The following RIMS2 variants were observed in gnomAD, a reference collection of about 807,000 sequenced individuals.
RIMS2 encodes the protein regulating synaptic membrane exocytosis protein 2.
Under a neutral mutation model 174.4 loss-of-function variants are expected in RIMS2, and 59 were observed. The observed-to-expected ratio is 0.34, with a 90% confidence interval of 0.27 to 0.42. The LOEUF (loss-of-function observed/expected upper bound fraction) is 0.42, where lower values mean the gene tolerates loss of function less well. Among genes scored for constraint, RIMS2 ranks in the 10% least tolerant of loss-of-function variants. The pLI, the probability that RIMS2 is intolerant of heterozygous loss-of-function variation, is 1.00. For synonymous variants in RIMS2, 606 were observed against 572.5 expected (o/e 1.06, Z -0.84); for missense variants, 1,620 against 1,666.3 (o/e 0.97, Z 0.48).
intron 1 of RIMS2, among the ~76,000 whole-genome samples, chr8:103,660,832 C>T (rs6985351): frequency 0.18 from 26,911 of 151,980 alleles, 2,586 homozygotes; most frequent in African/African-American, 0.24. Context: ...GAAAAGGATA[C>T]TTAGAAAAAT....
intron 19 of RIMS2, among the ~76,000 whole-genome samples, chr8:104,175,278 T>C (rs74597459): frequency 0.031 from 4,685 of 152,258 alleles, 169 homozygotes; most frequent in East Asian, 0.14. Flanking sequence ...CTTTCTTTTT[T>C]TAAATTTCCT....
chr8:103,612,349 T>C (rs1010709605), intron 1 of RIMS2, among the ~76,000 whole-genome samples: 1 of 152,176 alleles, frequency 6.6e-6, no homozygotes, highest in African/African-American at 2.4e-5. Flanking sequence ...TGCTTGTAGA[T>C]GTTTGTTGGT....
intron 1 of RIMS2, among the ~76,000 whole-genome samples, chr8:103,541,686 T>G (rs1368225127): frequency 9.2e-5 from 14 of 152,212 alleles, no homozygotes; most frequent in Non-Finnish European, 1.2e-4. Flanking sequence ...GGTGTGTAAA[T>G]CGCTTATAGC....
chr8:103,834,759 T>G (rs901948204), intron 3 of RIMS2, among the ~76,000 whole-genome samples: 1 of 150,270 alleles, frequency 6.7e-6, no homozygotes, highest in African/African-American at 2.5e-5. Context: ...TCTTTCTTTT[T>G]CTCTCTCTCT....
intron 6 of RIMS2, among the ~76,000 whole-genome samples, chr8:103,913,926 G>T (rs2076201751): frequency 6.6e-6 from 1 of 152,108 alleles, no homozygotes; most frequent in Admixed American, 6.6e-5. Context: ...TTTGCGCAGG[G>T]ACAAACATCC....
chr8:104,188,223 A>ATAGT (rs2098978561), intron 19 of RIMS2, among the ~76,000 whole-genome samples: 1 of 111,874 alleles, frequency 8.9e-6, no homozygotes, highest in East Asian at 2.5e-4. Flanking sequence ...GTTTGTTCAG[A>ATAGT]TAGATAGATA....
intron 19 of RIMS2, among the ~76,000 whole-genome samples, chr8:104,050,515 C>T (rs1265340393): frequency 6.6e-6 from 1 of 152,000 alleles, no homozygotes; most frequent in Non-Finnish European, 1.5e-5. Context: ...TAAGAAGAAA[C>T]CAGCTATGTA....
intron 1 of RIMS2, among the ~76,000 whole-genome samples, chr8:103,682,564 A>G (rs1161128698): frequency 6.6e-6 from 1 of 152,148 alleles, no homozygotes; most frequent in Non-Finnish European, 1.5e-5. Context: ...GCCTGGCATG[A>G]GGAAGCAGAG....
chr8:104,091,036 C>T (rs988478140), intron 19 of RIMS2, among the ~76,000 whole-genome samples: 2 of 151,682 alleles, frequency 1.3e-5, no homozygotes, highest in East Asian at 3.9e-4. Flanking sequence ...GTGCTTTACA[C>T]GCGTTATCTT....
At chr8:104,229,194 T>C (rs930312944) in intron 19 of RIMS2, among the ~76,000 whole-genome samples, 1 of 152,208 alleles carries the variant, frequency 6.6e-6, no homozygotes, top group African/African-American at 2.4e-5. Context: ...CACTAGAAAG[T>C]TATAATAACA....
chr8:104,058,475 G>GTAGAT (rs2096915195), intron 19 of RIMS2, among the ~76,000 whole-genome samples: 1 of 151,130 alleles, frequency 6.6e-6, no homozygotes, highest in Non-Finnish European at 1.5e-5. Flanking sequence ...ATTAGCCTTT[G>GTAGAT]TCAGATGAGT....
chr8:103,820,271 T>C (rs940036449), intron 3 of RIMS2, among the ~76,000 whole-genome samples: 1 of 152,066 alleles, frequency 6.6e-6, no homozygotes, highest in Non-Finnish European at 1.5e-5. Flanking sequence ...CTAAAAGATA[T>C]TCTATTAAAG....
chr8:103,852,625 T>C (rs2099005434), intron 3 of RIMS2, among the ~76,000 whole-genome samples: 1 of 151,984 alleles, frequency 6.6e-6, no homozygotes, highest in South Asian at 2.1e-4. Context: ...TGTTCAATAT[T>C]TAGCCCCCAC....
intron 1 of RIMS2, among the ~76,000 whole-genome samples, chr8:103,642,677 G>T (rs2096253415): frequency 6.6e-6 from 1 of 151,916 alleles, no homozygotes; most frequent in South Asian, 2.1e-4. Context: ...ACTTTTGAAG[G>T]ATAATTTGAC....
intron 3 of RIMS2, among the ~76,000 whole-genome samples, chr8:103,844,276 A>T (rs974174632): frequency 6.6e-6 from 1 of 152,204 alleles, no homozygotes; most frequent in Non-Finnish European, 1.5e-5. Context: ...ACCAATTTTT[A>T]TAAGGTAATA....
intron 3 of RIMS2, among the ~76,000 whole-genome samples, chr8:103,794,049 C>T (rs1311420431): frequency 6.6e-6 from 1 of 152,138 alleles, no homozygotes. Flanking sequence ...TTCAAGCTAC[C>T]AATGACTTTC....
At chr8:103,768,851 A>G (rs751557994) in intron 3 of RIMS2, 39 of 579,770 alleles carry the variant, frequency 6.7e-5, no homozygotes, top group Admixed American at 3.4e-4. Flanking sequence ...AAATGGTGCC[A>G]TATTGCTCTG....
chr8:104,046,006 G>C (rs971289588), intron 19 of RIMS2, among the ~76,000 whole-genome samples: 3 of 151,876 alleles, frequency 2.0e-5, no homozygotes, highest in Non-Finnish European at 4.4e-5. Context: ...ATTCTTTTCT[G>C]TTTTGGTTCT....
intron 10 of RIMS2, among the ~76,000 whole-genome samples, chr8:103,925,430 C>G (rs1467380983): frequency 6.6e-6 from 1 of 151,432 alleles, no homozygotes; most frequent in Non-Finnish European, 1.5e-5. Context: ...CTATAAATGA[C>G]AGGTTTTTTT....
Sources: allele counts gnomAD v4.1 joint callset (sites outside exome capture counted in the v4.1 genomes callset), GRCh38; gene constraint gnomAD v4.1.1; transcripts MANE v1.5; gene names NCBI Gene and HGNC (gene_info 2026-07-23, HGNC 2026-07-21).